Variants in AFF3 observed in about 807,000 individuals in gnomAD.
AFF3 encodes the protein ALF transcription elongation factor 3.
Under a neutral mutation model 129.7 loss-of-function variants are expected in AFF3, and 32 were observed. The observed-to-expected ratio is 0.25, with a 90% CI of 0.19 to 0.33. AFF3 has a LOEUF of 0.33. AFF3 is among the 10% of genes least tolerant of loss of function. AFF3 has a pLI of 1.00. For synonymous variants in AFF3, 644 were observed against 635.4 expected (o/e 1.01, Z -0.20); for missense variants, 1,373 against 1,592.0 (o/e 0.86, Z 2.34).
chr2:99,945,210 TAGCAAACAGATGCTGA>T (rs1426044286), intron 7 of AFF3, among the ~76,000 whole-genome samples: 3 of 152,214 alleles, frequency 2.0e-5, no homozygotes, highest in Non-Finnish European at 2.9e-5. Flanking sequence ...AAGACCACGT[TAGCAAACAGATGCTGA>T]AGTCTTCTTT....
At chr2:100,076,197 C>T (rs944700600) in intron 4 of AFF3, among the ~76,000 whole-genome samples, 2 of 152,122 alleles carry the variant, frequency 1.3e-5, no homozygotes, top group Non-Finnish European at 2.9e-5. Context: ...CTGCTTCTCC[C>T]GAACTCTGCC....
intron 20 of AFF3, among the ~76,000 whole-genome samples, chr2:99,561,938 T>G (rs895516760): frequency 6.6e-6 from 1 of 152,202 alleles, no homozygotes; most frequent in Admixed American, 6.5e-5. Context: ...TTTCACTGAC[T>G]CTAGAATTCA....
chr2:99,912,668 T>C, intron 7 of AFF3, among the ~76,000 whole-genome samples: 1 of 152,144 alleles, frequency 6.6e-6, no homozygotes. Context: ...ACCATAAATT[T>C]AATGAGGCAA....
At chr2:99,864,431 CTT>C (rs1159285548) in intron 7 of AFF3, among the ~76,000 whole-genome samples, 1 of 152,170 alleles carries the variant, frequency 6.6e-6, no homozygotes, top group African/African-American at 2.4e-5. Context: ...GGGTGGCTCT[CTT>C]GTGTTCAATC....
At chr2:100,014,392 A>G (rs1444661611) in intron 4 of AFF3, among the ~76,000 whole-genome samples, 1 of 152,178 alleles carries the variant, frequency 6.6e-6, no homozygotes, top group East Asian at 1.9e-4. Context: ...TCCTTTTCAA[A>G]TAACAAAAAC....
chr2:99,872,130 C>T (rs1017407740), intron 7 of AFF3, among the ~76,000 whole-genome samples: 15 of 144,858 alleles, frequency 1.0e-4, no homozygotes, highest in African/African-American at 2.8e-4. Flanking sequence ...GGCATGAACC[C>T]GGGAGGTGGA....
intron 4 of AFF3, among the ~76,000 whole-genome samples, chr2:100,069,686 CAGAA>C (rs933564393): frequency 3.3e-5 from 5 of 152,072 alleles, no homozygotes; most frequent in African/African-American, 9.7e-5. Context: ...AACACAAAAT[CAGAA>C]AGAAATTTGA....
At chr2:99,960,564 C>A (rs1041612293) in intron 7 of AFF3, among the ~76,000 whole-genome samples, 1 of 152,164 alleles carries the variant, frequency 6.6e-6, no homozygotes, top group Admixed American at 6.5e-5. Context: ...TATGACAACC[C>A]CCAAACACTT....
intron 7 of AFF3, among the ~76,000 whole-genome samples, chr2:99,937,664 T>G (rs1231742161): frequency 6.6e-6 from 1 of 152,212 alleles, no homozygotes; most frequent in Non-Finnish European, 1.5e-5. Flanking sequence ...CCCAAAGTGC[T>G]GGGATTACAG....
At position 99,723,786 on chromosome 2, in the gene AFF3, C is replaced by T. The variant is rs1282919244; in HGVS notation, c.1091+3291G>A. Among the ~76,000 whole-genome samples the T allele has an allele frequency of 2.6e-5, 4 of 152,108 alleles. No individual in the cohort carries two copies. In the South Asian group the frequency reaches 6.2e-4, roughly 24 times the overall value. On this transcript the variant is annotated intron_variant, in intron 11 of 24. Transcript: ENST00000672756. ...CTCAGAATGTGACTTTATTTAGTGA[C>T]AGGGTCTTTACAGAGGTAATCAAGT...
At chr2:100,034,612 A>T (rs1048782466) in intron 4 of AFF3, among the ~76,000 whole-genome samples, 2 of 152,202 alleles carry the variant, frequency 1.3e-5, no homozygotes, top group African/African-American at 4.8e-5. Flanking sequence ...ATATCAATGA[A>T]GAAAACATTT....
chr2:99,855,049 G>A (rs571747288), intron 7 of AFF3, among the ~76,000 whole-genome samples: 1 of 152,182 alleles, frequency 6.6e-6, no homozygotes, highest in Non-Finnish European at 1.5e-5. Flanking sequence ...ATTTCTAGAA[G>A]AGTAAACATC....
chr2:99,726,630 G>T lies in AFF3; in HGVS notation c.1091+447C>A, dbSNP rs557124563. On this transcript the variant is annotated intron_variant, in intron 11 of 24. Transcript: ENST00000672756. Reference sequence around the variant, plus strand: ...AAACTGCTTTTGTTAATTCAAAAAAGAAACTCTTGAGATTCCAGAGATATC... The same window carrying T: ...AAACTGCTTTTGTTAATTCAAAAAATAAACTCTTGAGATTCCAGAGATATC... Among the ~76,000 whole-genome samples, 3 of 152,290 alleles carry T rather than the reference G, an allele frequency of 2.0e-5. No homozygotes were observed. The South Asian group carries it at 6.2e-4, about 32-fold the overall frequency.
chr2:99,907,646 T>A (rs1267888045), intron 7 of AFF3, among the ~76,000 whole-genome samples: 4 of 152,066 alleles, frequency 2.6e-5, no homozygotes, highest in South Asian at 4.2e-4. Flanking sequence ...TTGTTGTTGT[T>A]TTGTTTTTTT....
chr2:99,688,573 T>C (rs1315546767), intron 11 of AFF3, among the ~76,000 whole-genome samples: 3 of 152,216 alleles, frequency 2.0e-5, no homozygotes, highest in Admixed American at 1.3e-4. Flanking sequence ...ATTCCTTCAT[T>C]GAGCTGTTCT....
chr2:100,003,156 A>T (rs1681594320), intron 7 of AFF3, among the ~76,000 whole-genome samples: 2 of 152,110 alleles, frequency 1.3e-5, no homozygotes, highest in Admixed American at 6.5e-5. Context: ...ATGTCTTTGA[A>T]ATAATGGCAA....
At chr2:99,684,416 T>C (rs1321879641) in intron 11 of AFF3, among the ~76,000 whole-genome samples, 1 of 152,190 alleles carries the variant, frequency 6.6e-6, no homozygotes, top group African/African-American at 2.4e-5. Flanking sequence ...CCCAGGACCT[T>C]CAGCTGCTTG....
At chr2:99,972,571 A>G (rs1678491167) in intron 7 of AFF3, among the ~76,000 whole-genome samples, 1 of 152,250 alleles carries the variant, frequency 6.6e-6, no homozygotes, top group African/African-American at 2.4e-5. Flanking sequence ...TTTGACACAC[A>G]GTTATTGGGC....
In AFF3 at chr2:99,874,820, C is replaced by T. The variant is rs945113392; in HGVS notation, c.874-37296G>A. 8.6e-5 allele frequency among the ~76,000 whole-genome samples: 13 copies of T among 151,974 alleles called. No individual in the cohort carries two copies. In the East Asian group the frequency reaches 1.2e-3, roughly 14 times the overall value. ...GTCTGTGTTTATGTAAGAGCTTGTC[C>T]TTGTTCTTAGGAAATACATTGAAAT... On this transcript the variant is annotated intron_variant, in intron 7 of 24. Transcript: ENST00000672756.
Sources: allele counts gnomAD v4.1 joint callset (sites outside exome capture counted in the v4.1 genomes callset), GRCh38; gene constraint gnomAD v4.1.1; transcripts MANE v1.5; gene names NCBI Gene and HGNC (gene_info 2026-07-23, HGNC 2026-07-21).